Variants in INF2 observed in about 807,000 individuals in gnomAD.
The protein encoded by INF2 is inverted formin-2.
Under a neutral mutation model 123.5 loss-of-function variants are expected in INF2, and 43 were observed. The observed-to-expected ratio is 0.35, with a 90% confidence interval of 0.27 to 0.45. The LOEUF (loss-of-function observed/expected upper bound fraction) is 0.45, where lower values mean the gene tolerates loss of function less well. Among genes scored for constraint, INF2 ranks in the 20% least tolerant of loss-of-function variants. INF2 has a pLI of 1.00. For synonymous variants in INF2, 851 were observed against 745.0 expected, an observed-to-expected ratio of 1.14 and a Z score of -2.32; for missense variants, 1,453 against 1,682.7, an observed-to-expected ratio of 0.86 and a Z score of 2.39.
rs1342231269 is a variant in INF2, at chr14:104,703,908, C to T, written c.668-8C>T. 13 of 1,611,078 alleles carry T rather than the reference C, an allele frequency of 8.1e-6. No homozygotes were observed. The Admixed American group carries it at 1.2e-4, about 14-fold the overall frequency. On this transcript the variant is annotated splice_polypyrimidine_tract_variant and splice_region_variant and intron_variant, in intron 4 of 22. Transcript: ENST00000392634. ...CCGAACCCTCTGACCCTGTCCGTCCCTTCCCAGGGCTGCAGCTGCTGGACG... is the reference window on the plus strand; with the variant it reads ...CCGAACCCTCTGACCCTGTCCGTCCTTTCCCAGGGCTGCAGCTGCTGGACG...
chr14:104,690,326 C>T lies in INF2; in HGVS notation c.-10+587C>T, dbSNP rs191886193. 5.3e-3 allele frequency: 802 copies of T among 152,510 alleles called. 1 individual carries two copies. Among genetic ancestry groups the T allele is most frequent in the Admixed American group, 0.013 (192 of 15,312 alleles). 9.4% of individuals were successfully genotyped at this position (152,510 alleles called of 1,614,324 possible). On this transcript the variant is annotated intron_variant, in intron 1 of 22. Transcript: ENST00000392634. ...CAATCCCTGTACGCCCCCAGACCCA[C>T]CCGTCAACCCTCTAACTGGGGAGTC... is the stretch of plus-strand genomic sequence containing the variant.
At chr14:104,685,802 T>G (rs1197368294), upstream of INF2, among the ~76,000 whole-genome samples, 1 of 138,520 alleles carries the variant, frequency 7.2e-6, no homozygotes, top group African/African-American at 2.8e-5. Flanking sequence ...GGTGGGTGGA[T>G]GGGTGGATGA....
chr14:104,687,089 C>G (rs997178984), upstream of INF2, among the ~76,000 whole-genome samples: 1 of 152,168 alleles, frequency 6.6e-6, no homozygotes, highest in East Asian at 1.9e-4. The surrounding 1 kb of genome is among the most constrained non-coding windows in gnomAD (Gnocchi z 5.6). Context: ...TACCCGGCTC[C>G]GAGGAAGGAC....
intron 1 of INF2, among the ~76,000 whole-genome samples, chr14:104,700,636 C>G (rs1287861288): frequency 6.6e-6 from 1 of 152,140 alleles, no homozygotes; most frequent in Non-Finnish European, 1.5e-5. Flanking sequence ...CGTGTTGGGG[C>G]TCTTCTGGGC....
intron 1 of INF2, among the ~76,000 whole-genome samples, chr14:104,683,590 T>G (rs1451320444): frequency 1.3e-5 from 2 of 150,142 alleles, no homozygotes; most frequent in African/African-American, 4.9e-5. Flanking sequence ...TCATAAATAC[T>G]TCTGAAACCC....
Position 104,719,019 on chromosome 14 carries a change from C to T in INF2, c.*226C>T, listed in dbSNP as rs1014730673. The T allele has an allele frequency of 9.3e-7, 1 of 1,074,144 alleles. No homozygotes were observed. Among genetic ancestry groups the T allele is most frequent in the Admixed American group, 3.1e-5 (1 of 31,750 alleles). 66.5% of individuals were successfully genotyped at this position (1,074,144 alleles called of 1,614,324 possible). On this transcript the variant is annotated 3_prime_UTR_variant, in exon 23 of 23. Transcript: ENST00000392634. ...CAGGCCTGGTGCCCTCCTGGACCGC[C>T]TGCACGTGCCAGCCTCCCACCTGCT...
upstream of INF2, among the ~76,000 whole-genome samples, chr14:104,688,424 G>A (rs1888751161): frequency 1.3e-5 from 2 of 152,246 alleles, no homozygotes; most frequent in South Asian, 4.1e-4. Flanking sequence ...GGGCTGGGAA[G>A]CCATTCAGGA....
upstream of INF2, among the ~76,000 whole-genome samples, chr14:104,687,607 C>T (rs983445864): frequency 1.3e-5 from 2 of 152,206 alleles, no homozygotes; most frequent in African/African-American, 4.8e-5. This position sits in a 1 kb window ranked among gnomAD's most constrained non-coding sequence, Gnocchi z 5.6. Context: ...CTTCTTCACC[C>T]TGCTCCGGCC....
At chr14:104,691,601 G>A (rs895504305) in intron 1 of INF2, among the ~76,000 whole-genome samples, 9 of 152,196 alleles carry the variant, frequency 5.9e-5, no homozygotes, top group African/African-American at 1.9e-4. Flanking sequence ...CGGGAAGGCC[G>A]GGAGGTGGAG....
Position 104,709,342 on chromosome 14 carries a change from G to T in INF2, c.2011G>T (p.Val671Phe). The T allele has an allele frequency of 1.2e-6, 2 of 1,613,158 alleles. No homozygotes were observed. The highest frequency in any genetic ancestry group is 1.7e-6 in the Non-Finnish European group (2 of 1,179,834). Residue 671 changes from valine to phenylalanine, a missense_variant, in exon 11 of 23, where the codon GTT becomes TTT. Transcript: ENST00000392634. ...AGATACCACCAAGTTTGATGTGGAG[G>T]TTCTCAAACAACTCCTTAAGCTCCT... ...AGDTTKFDVEVLKQLLKLLPE... is the reference protein window; with the variant it reads ...AGDTTKFDVEFLKQLLKLLPE...
chr14:104,687,664 G>A (rs1051015680), upstream of INF2, among the ~76,000 whole-genome samples: 2 of 152,126 alleles, frequency 1.3e-5, no homozygotes, highest in African/African-American at 4.8e-5. The surrounding 1 kb of genome is among the most constrained non-coding windows in gnomAD (Gnocchi z 5.6). Context: ...AGCACGACTG[G>A]GTGCAAGGGA....
rs779849550 is a variant in INF2, at chr14:104,708,548, C to T, written c.1848C>T (p.Pro616=). 6.8e-6 allele frequency: 11 copies of T among 1,612,538 alleles called. No individual in the cohort carries two copies. In the Admixed American group the frequency reaches 1.8e-4, roughly 27 times the overall value. The part of the protein sequence containing the change: ...FSFPAAKPKE[P]TMVAPRARKE... The stretch of plus-strand genomic sequence containing the variant: ...TCCCTGCAGCCAAGCCCAAGGAGCC[C>T]ACCATGGTGGCCCCCCGGGCCAGGA... The change falls in exon 9 of 23, where the codon CCC becomes CCT. Residue 616 remains proline (P), a synonymous_variant. Coordinates refer to ENST00000392634, the MANE Select transcript of INF2 (RefSeq NM_022489.4).
chr14:104,713,134 G>C, intron 18 of INF2, 73 bp from the exon 19 acceptor site: 2 of 1,599,856 alleles, frequency 1.3e-6, no homozygotes, highest in Non-Finnish European at 1.7e-6. Context: ...GGCTCAGGGA[G>C]GGGGACGCCC....
chr14:104,695,638 C>A (rs888509969), intron 1 of INF2, among the ~76,000 whole-genome samples: 1 of 151,788 alleles, frequency 6.6e-6, no homozygotes, highest in African/African-American at 2.4e-5. Flanking sequence ...TTTGCTGCAT[C>A]CCCCTACCCC....
chr14:104,707,578 C>T lies in INF2; in HGVS notation c.1311C>T (p.Pro437=). 1 of 1,071,030 alleles carries T rather than the reference C, an allele frequency of 9.3e-7. No homozygotes were observed. Among genetic ancestry groups the T allele is most frequent in the Non-Finnish European group, 1.2e-6 (1 of 805,956 alleles). The allele number at this position is 1,071,030 out of a possible 1,614,324, so 66.3% of individuals were successfully genotyped here. A position where few individuals can be genotyped will look rare whatever the true frequency, so the allele number is the denominator to read the frequency against. The change falls in exon 8 of 23, where the codon CCC becomes CCT. Residue 437 remains proline (P), a synonymous_variant. Coordinates refer to ENST00000392634, the MANE Select transcript of INF2 (RefSeq NM_022489.4). The part of the protein sequence containing the change: ...PPLLPGSSAE[P]PPPPPPPPLP... ...TGCTCCCTGGTTCCAGTGCCGAGCCCCCTCCCCCTCCCCCACCACCCCCCC... is the reference window on the plus strand; with the variant it reads ...TGCTCCCTGGTTCCAGTGCCGAGCCTCCTCCCCCTCCCCCACCACCCCCCC...
rs1465725310 is a variant in INF2, at chr14:104,699,260, T to C, written c.-9-2097T>C. On this transcript the variant is annotated intron_variant, in intron 1 of 22. Coordinates refer to ENST00000392634, the MANE Select transcript of INF2 (RefSeq NM_022489.4). The surrounding 1 kb of genome is among the most constrained non-coding windows in gnomAD (Gnocchi z 4.7). ...CAGGGGCCGGGCCTGGGAGAGTTCA[T>C]AACTCCGTCCACTCAGCCTGTGCCA... 3.8e-5 allele frequency: 14 copies of C among 364,786 alleles called. No individual in the cohort carries two copies. Among genetic ancestry groups the C allele is most frequent in the Non-Finnish European group, 4.6e-5 (12 of 262,758 alleles). 22.6% of individuals were successfully genotyped at this position (364,786 alleles called of 1,614,324 possible). A position where few individuals can be genotyped will look rare whatever the true frequency, so the allele number is the denominator to read the frequency against.
In INF2 at chr14:104,714,214, A is replaced by T; in HGVS notation, c.3052A>T (p.Asn1018Tyr). 6.5e-7 allele frequency: 1 copy of T among 1,535,340 alleles called. No individual in the cohort carries two copies. Among genetic ancestry groups the T allele is most frequent in the Non-Finnish European group, 8.8e-7 (1 of 1,142,268 alleles). ...GTCCCTCCATCCAGTGGCCACCAGT[A>T]ACCCTGCAGGAGATCCCGTGGGCAG... ...PRATEPVATSNPAGDPVGSTR... is the reference protein window; with the variant it reads ...PRATEPVATSYPAGDPVGSTR... The change falls in exon 21 of 23, where the codon AAC (asparagine) becomes TAC (tyrosine). Residue 1018 changes from asparagine (N) to tyrosine (Y), a missense_variant. Asn to Tyr is a moderately radical substitution (Grantham distance 143, BLOSUM62 -2). Transcript: ENST00000392634.
Position 104,712,972 on chromosome 14 carries a change from C to A in INF2, c.2755C>A (p.Leu919Ile), listed in dbSNP as rs377145979. The A allele has an allele frequency of 1.2e-6, 2 of 1,612,588 alleles. No individual in the cohort carries two copies. Among genetic ancestry groups the A allele is most frequent in the East Asian group, 4.5e-5 (2 of 44,880 alleles). Residue 919 changes from leucine to isoleucine, a missense_variant, in exon 18 of 23, where the codon CTT (leucine) becomes ATT (isoleucine). Coordinates refer to ENST00000392634, the MANE Select transcript of INF2 (RefSeq NM_022489.4). ...CAGCACCATGAAGGCTTTCCGGGAC[C>A]TTTTCCTCCGCGCCCTGAAGGTGGG... is the stretch of plus-strand genomic sequence containing the variant. Reference protein sequence around the residue: ...TFSTMKAFRDLFLRALKENKD... With the variant: ...TFSTMKAFRDIFLRALKENKD...
chr14:104,701,605 G>C lies in INF2; in HGVS notation c.240G>C (p.Ala80=), dbSNP rs1383704952. 1.2e-6 allele frequency: 2 copies of C among 1,604,680 alleles called. No individual in the cohort carries two copies. The highest frequency in any genetic ancestry group is 2.2e-5 in the East Asian group (1 of 44,726). Residue 80 remains alanine, a synonymous_variant, in exon 2 of 23, where the codon GCG becomes GCC. Coordinates refer to ENST00000392634, the MANE Select transcript of INF2 (RefSeq NM_022489.4). ...EQSGLDLLLE[A]LARLSGRGVA... ...GCGGCCTGGACCTGCTGCTGGAGGC[G>C]CTGGCGCGGCTGTCGGGCCGCGGCG... is the stretch of plus-strand genomic sequence containing the variant.
Sources: gnomAD v4.1 joint callset for allele counts (sites outside exome capture counted in the v4.1 genomes callset) on GRCh38, gnomAD v4.1.1 for gene constraint, Gnocchi (gnomAD v3.1) non-coding constraint, MANE v1.5 for transcripts, NCBI Gene and HGNC (gene_info 2026-07-23, HGNC 2026-07-21) for gene names.